Variants in KIF13A observed in about 807,000 individuals in gnomAD.
KIF13A encodes kinesin family member 13A, also known as kinesin-like protein KIF13A.
Under a neutral mutation model 212.2 loss-of-function variants are expected in KIF13A, and 79 were observed. The observed-to-expected ratio is 0.37, with a 90% CI of 0.31 to 0.45. The LOEUF (loss-of-function observed/expected upper bound fraction) is 0.45. Ranked by LOEUF, KIF13A falls within the 20% of genes least tolerant of loss-of-function variation. The pLI, the probability that KIF13A is intolerant of heterozygous loss-of-function variation, is 1.00. For synonymous variants in KIF13A, 789 were observed against 808.6 expected (o/e 0.98, Z 0.41); for missense variants, 1,901 against 2,209.0 (o/e 0.86, Z 2.79).
Position 17,800,085 on chromosome 6 carries a change from A to C in KIF13A, c.2483T>G (p.Met828Arg). 1.2e-6 allele frequency: 2 copies of C among 1,613,898 alleles called. No individual in the cohort carries two copies. The highest frequency in any genetic ancestry group is 1.3e-5 in the African/African-American group (1 of 75,016). ...EVAGRLHVEV[M>R]RVTGAVPERV... ...CTCTGGAACAGCTCCTGTAACACGCATCACTTCCACGTGGAGACGCCCTGC... is the reference window on the plus strand; with the variant it reads ...CTCTGGAACAGCTCCTGTAACACGCCTCACTTCCACGTGGAGACGCCCTGC... Residue 828 changes from methionine to arginine, a missense_variant, in exon 21 of 39, where the codon ATG becomes AGG. Around this residue, in one of 5 missense-constraint regions of KIF13A, gnomAD observed 534 missense variants for 536.9 expected, o/e 0.99. Coordinates refer to ENST00000259711, the MANE Select transcript of KIF13A (RefSeq NM_022113.6).
intron 31 of KIF13A, 80 bp from the exon 32 acceptor site, chr6:17,779,764 T>A (rs1581895131): frequency 7.4e-6 from 4 of 543,664 alleles, no homozygotes; most frequent in South Asian, 7.1e-5. Context: ...TTTTTTGAGA[T>A]GGAGTCTCGC....
chr6:17,911,101 A>T (rs980563347), intron 2 of KIF13A, among the ~76,000 whole-genome samples: 1 of 151,930 alleles, frequency 6.6e-6, no homozygotes, highest in Non-Finnish European at 1.5e-5. Flanking sequence ...TTATTTTAAA[A>T]CTCTGATGAT....
At chr6:17,908,633 C>T (rs908125084) in intron 2 of KIF13A, among the ~76,000 whole-genome samples, 8 of 151,480 alleles carry the variant, frequency 5.3e-5, no homozygotes, top group South Asian at 2.1e-4. Flanking sequence ...ACTCAAAATA[C>T]ACTTGTAATT....
chr6:17,838,575 A>G lies in KIF13A; in HGVS notation c.831-992T>C, dbSNP rs924139121. On this transcript the variant is annotated intron_variant, in intron 9 of 38. Transcript: ENST00000259711. This position sits in a 1 kb window ranked among gnomAD's most constrained non-coding sequence, Gnocchi z 4.2. ...GATCAGAATGGCTGTTAGAATTTTAATAACAGCCATTACCACAGAGTGGCA... is the reference window on the plus strand; with the variant it reads ...GATCAGAATGGCTGTTAGAATTTTAGTAACAGCCATTACCACAGAGTGGCA... Among the ~76,000 whole-genome samples the G allele has an allele frequency of 1.1e-4, 16 of 152,240 alleles. No homozygotes were observed. The highest frequency in any genetic ancestry group is 8.8e-5 in the Non-Finnish European group (6 of 68,046).
Position 17,837,297 on chromosome 6 carries a change from T to C in KIF13A, c.942+175A>G, listed in dbSNP as rs1313238269. ...ATGAATAAGGCCTGTCAAACAGCAT[T>C]CAAATGGAATAAAAAGGAGTAGAAA... On this transcript the variant is annotated intron_variant, in intron 10 of 38. Transcript: ENST00000259711. This position sits in a 1 kb window ranked among gnomAD's most constrained non-coding sequence, Gnocchi z 5.4. 1.3e-5 allele frequency among the ~76,000 whole-genome samples: 2 copies of C among 152,208 alleles called. No homozygotes were observed. Among genetic ancestry groups the C allele is most frequent in the Non-Finnish European group, 2.9e-5 (2 of 68,030 alleles).
intron 7 of KIF13A, among the ~76,000 whole-genome samples, chr6:17,851,650 G>A (rs1257889380): frequency 6.6e-6 from 1 of 152,236 alleles, no homozygotes; most frequent in Non-Finnish European, 1.5e-5. Flanking sequence ...AATACCACAT[G>A]TCTAGAAGGA....
rs1392620142 is a variant in KIF13A, at chr6:17,786,472, G to A, written c.3362-831C>T. 2.0e-5 allele frequency among the ~76,000 whole-genome samples: 3 copies of A among 151,904 alleles called. No individual in the cohort carries two copies. The highest frequency in any genetic ancestry group is 2.9e-5 in the Non-Finnish European group (2 of 67,982). On this transcript the variant is annotated intron_variant, in intron 27 of 38. Coordinates refer to ENST00000259711, the MANE Select transcript of KIF13A (RefSeq NM_022113.6). The surrounding 1 kb of genome is among the most constrained non-coding windows in gnomAD (Gnocchi z 5.4). ...AAATTAGCCAGGCGTGGTGGTGGGC[G>A]CCTTGTAGTCCCAGCTACTCAGGAG...
Position 17,782,136 on chromosome 6 carries a change from C to T in KIF13A, c.3545-835G>A, listed in dbSNP as rs1010205649. Among the ~76,000 whole-genome samples the T allele has an allele frequency of 5.9e-5, 9 of 151,492 alleles. No homozygotes were observed. The East Asian group carries it at 8.1e-4, about 14-fold the overall frequency. On this transcript the variant is annotated intron_variant, in intron 29 of 38. Transcript: ENST00000259711. ...ATTTTTAGTACAGACGGGGTTTCAC[C>T]GCGTTGGCCAGGATGGTCTCAATCT...
Position 17,764,151 on chromosome 6 carries a change from T to C in KIF13A, c.5377A>G (p.Ile1793Val), listed in dbSNP as rs749780350. The part of the protein sequence containing the change: ...LHSKLENDQV[I>V]IPEAAFWVLC... Reference sequence around the variant, plus strand: ...ACCCAAAAGGCTGCCTCTGGAATTATTACCTGGTCATTCTCTAACTTGGAA... The same window carrying C: ...ACCCAAAAGGCTGCCTCTGGAATTACTACCTGGTCATTCTCTAACTTGGAA... Residue 1793 changes from isoleucine (I) to valine (V), a missense_variant, in exon 39 of 39, where the codon ATA (isoleucine) becomes GTA (valine). By Grantham distance (29) the Ile-to-Val change is conservative (BLOSUM62 3). Coordinates refer to ENST00000259711, the MANE Select transcript of KIF13A (RefSeq NM_022113.6). The surrounding 1 kb of genome is among the most constrained non-coding windows in gnomAD (Gnocchi z 5.1). 1.2e-6 allele frequency: 2 copies of C among 1,614,028 alleles called. No homozygotes were observed. The highest frequency in any genetic ancestry group is 3.3e-5 in the Admixed American group (2 of 60,028).
At chr6:17,796,565 A>AT in intron 23 of KIF13A, 104 bp downstream of exon 23, 1 of 521,318 alleles carries the variant, frequency 1.9e-6, no homozygotes. Flanking sequence ...TTTTTAAATG[A>AT]TTTTATTTTT....
chr6:17,789,736 C>T lies in KIF13A; in HGVS notation c.3261+136G>A. On this transcript the variant is annotated intron_variant, in intron 26 of 38. Transcript: ENST00000259711. The surrounding 1 kb of genome is among the most constrained non-coding windows in gnomAD (Gnocchi z 4.8). ...ATATTGTGTTTGAATACATATAAAG[C>T]AAATCAAAAGCAAGTGAAAAACTGC... The T allele has an allele frequency of 1.6e-6, 1 of 640,774 alleles. No individual in the cohort carries two copies. Among genetic ancestry groups the T allele is most frequent in the Non-Finnish European group, 2.7e-6 (1 of 365,386 alleles). The allele number at this position is 640,774 out of a possible 1,614,324, so 39.7% of individuals were successfully genotyped here.
At chr6:17,779,740 G>GTT (rs201272106) in intron 31 of KIF13A, 56 bp from the exon 32 acceptor site, 5,801 of 470,496 alleles carry the variant, frequency 0.012, 117 homozygotes, top group East Asian at 0.019. Flanking sequence ...AAGTTATTTT[G>GTT]TATTTTTTTT....
rs1224941848 is a variant in KIF13A at position 17,900,609 on chromosome 6, C to T, written c.147-2429G>A. 9.2e-5 allele frequency among the ~76,000 whole-genome samples: 14 copies of T among 152,194 alleles called. No individual in the cohort carries two copies. The highest frequency in any genetic ancestry group is 3.4e-4 in the African/African-American group (14 of 41,444). ...TCATCATTCATTTTAGAACAAGGAC[C>T]CTTGCTACAGAAGGAAAAGTAAACC... is the stretch of plus-strand genomic sequence containing the variant. On this transcript the variant is annotated intron_variant, in intron 2 of 38. Coordinates refer to ENST00000259711, the MANE Select transcript of KIF13A (RefSeq NM_022113.6). The surrounding 1 kb of genome is among the most constrained non-coding windows in gnomAD (Gnocchi z 4.6).
In KIF13A at chr6:17,858,813, T is replaced by TGAGGGACAAGA. The variant is rs1489193714; in HGVS notation, c.221-2692_221-2691insTCTTGTCCCTC. On this transcript the variant is annotated intron_variant, in intron 4 of 38. Coordinates refer to ENST00000259711, the MANE Select transcript of KIF13A (RefSeq NM_022113.6). ...ACCAGCCCCCAGGAAGGGAGTGGGG[T>TGAGGGACAAGA]GAGGGTGGGGACAAGAGACTTCAAG... 9.9e-5 allele frequency among the ~76,000 whole-genome samples: 15 copies of TGAGGGACAAGA among 152,100 alleles called. No homozygotes were observed. In the East Asian group the frequency reaches 2.9e-3, roughly 29 times the overall value.
intron 35 of KIF13A, 40 bp downstream of exon 35, chr6:17,774,975 A>G (rs1444120656): frequency 6.5e-7 from 1 of 1,535,406 alleles, no homozygotes; most frequent in African/African-American, 1.4e-5. Flanking sequence ...TTCCAGACTA[A>G]GATTCTACTA....
rs1765269581 is a variant in KIF13A at position 17,829,703 on chromosome 6, G to A, written c.1402-1333C>T. On this transcript the variant is annotated intron_variant, in intron 13 of 38. Coordinates refer to ENST00000259711, the MANE Select transcript of KIF13A (RefSeq NM_022113.6). This position sits in a 1 kb window ranked among gnomAD's most constrained non-coding sequence, Gnocchi z 5.4. ...TATAAGGATTGGTCTTTCAAAATCAGGATTTCAGAGACAATTCCTTACCCC... is the reference window on the plus strand; with the variant it reads ...TATAAGGATTGGTCTTTCAAAATCAAGATTTCAGAGACAATTCCTTACCCC... 6.6e-6 allele frequency among the ~76,000 whole-genome samples: 1 copy of A among 152,056 alleles called. No homozygotes were observed. The highest frequency in any genetic ancestry group is 1.5e-5 in the Non-Finnish European group (1 of 68,010).
chr6:17,796,807 T>C lies in KIF13A; in HGVS notation c.2804A>G (p.Asn935Ser), dbSNP rs566354052. The C allele has an allele frequency of 1.3e-6, 2 of 1,564,326 alleles. No individual in the cohort carries two copies. The highest frequency in any genetic ancestry group is 2.4e-5 in the South Asian group (2 of 84,948). ...GAACTCCAGAAATTCTTCTGTTACA[T>C]TCACCACATAGTCCTGGGATAAGTG... is the stretch of plus-strand genomic sequence containing the variant. Reference protein sequence around the residue: ...TFSHCKDYVVNVTEEFLEFIS... With the variant: ...TFSHCKDYVVSVTEEFLEFIS... The change falls in exon 23 of 39, where the codon AAT (asparagine) becomes AGT (serine). Residue 935 changes from asparagine to serine, a missense_variant. Asn to Ser is a conservative substitution (Grantham distance 46). This residue lies in a region of KIF13A where 534 missense variants were observed against 536.9 expected (regional missense o/e 0.99). Transcript: ENST00000259711.
chr6:17,869,017 A>C (rs997112934), intron 4 of KIF13A, among the ~76,000 whole-genome samples: 119 of 146,168 alleles, frequency 8.1e-4, no homozygotes, highest in Non-Finnish European at 1.4e-3. Context: ...AAAAAAAAAA[A>C]AAACACAAAT....
chr6:17,794,486 C>A lies in KIF13A; in HGVS notation c.3075+86G>T, dbSNP rs530264303. 6.4e-7 allele frequency: 1 copy of A among 1,558,818 alleles called. No homozygotes were observed. Among genetic ancestry groups the A allele is most frequent in the Admixed American group, 1.9e-5 (1 of 51,744 alleles). ...GGAAAAGGATTAGAGAATAAAGATA[C>A]AAATAGTTAGAAAATCCCCAGAAAC... On this transcript the variant is annotated intron_variant, in intron 24 of 38. Transcript: ENST00000259711. The surrounding 1 kb of genome is among the most constrained non-coding windows in gnomAD (Gnocchi z 4.1).
Sources: allele counts gnomAD v4.1 joint callset (sites outside exome capture counted in the v4.1 genomes callset), GRCh38; gene constraint gnomAD v4.1.1; regional missense constraint gnomAD v4.1.1; non-coding constraint Gnocchi (gnomAD v3.1); transcripts MANE v1.5; gene names NCBI Gene and HGNC (gene_info 2026-07-23, HGNC 2026-07-21).